Variants in VPS13B observed in about 807,000 individuals in gnomAD.
VPS13B encodes vacuolar protein sorting 13 homolog B, also known as intermembrane lipid transfer protein VPS13B.
A neutral mutation model predicts 426.4 loss-of-function variants in VPS13B; 285 were observed. The ratio of observed to expected loss-of-function variants is 0.67; its 90% CI spans 0.61 to 0.74. The LOEUF is 0.74. Among genes scored for constraint, VPS13B ranks in the 30% least tolerant of loss-of-function variants. VPS13B has a pLI of 0.00. For missense variants in VPS13B, 4,537 were observed against 4,782.6 expected (o/e 0.95, Z 1.51); for synonymous variants, 1,676 against 1,676.4 (o/e 1.00, Z 0.01).
At chr8:99,366,957 C>T (rs1281848621) in intron 19 of VPS13B, among the ~76,000 whole-genome samples, 3 of 152,134 alleles carry the variant, frequency 2.0e-5, no homozygotes, top group East Asian at 3.8e-4. Context: ...ATTGTACTGT[C>T]AATGTCTTGA....
chr8:99,391,074 C>A (rs564769951), intron 20 of VPS13B, among the ~76,000 whole-genome samples: 8 of 152,154 alleles, frequency 5.3e-5, no homozygotes, highest in African/African-American at 1.9e-4. Flanking sequence ...TTAACATGTA[C>A]ATAATCAGTT....
intron 19 of VPS13B, among the ~76,000 whole-genome samples, chr8:99,289,158 G>A (rs1036519715): frequency 3.3e-5 from 5 of 152,006 alleles, no homozygotes; most frequent in Admixed American, 1.3e-4. Context: ...TTAAACCTTC[G>A]ATAAAGTTGA....
At chr8:99,457,779 G>A (rs72674627) in intron 23 of VPS13B, among the ~76,000 whole-genome samples, 24,958 of 151,676 alleles carry the variant, frequency 0.16, 2,564 homozygotes, top group East Asian at 0.38. Context: ...ATTGTGATAT[G>A]TTTACATTTT....
At chr8:99,650,701 G>A (rs1303143496) in intron 34 of VPS13B, among the ~76,000 whole-genome samples, 2 of 152,164 alleles carry the variant, frequency 1.3e-5, no homozygotes, top group Non-Finnish European at 2.9e-5. Flanking sequence ...AAAGTTATGT[G>A]AATGTGGTCT....
chr8:99,582,147 C>T (rs77156188), intron 33 of VPS13B, among the ~76,000 whole-genome samples: 4,092 of 152,264 alleles, frequency 0.027, 79 homozygotes, highest in Middle Eastern at 0.065. Context: ...TCAGAAGGTT[C>T]TTTACCTTCT....
At chr8:99,366,396 T>C (rs1812890585) in intron 19 of VPS13B, among the ~76,000 whole-genome samples, 1 of 152,194 alleles carries the variant, frequency 6.6e-6, no homozygotes, top group South Asian at 2.1e-4. Flanking sequence ...GGATATAATA[T>C]AGCTACTCCC....
chr8:99,473,031 C>T (rs1003525147), intron 24 of VPS13B, among the ~76,000 whole-genome samples: 2 of 151,936 alleles, frequency 1.3e-5, no homozygotes, highest in Non-Finnish European at 2.9e-5. Context: ...AAAACTTTCC[C>T]ATGGAGAAAA....
At chr8:99,357,367 C>T (rs111405332) in intron 19 of VPS13B, among the ~76,000 whole-genome samples, 386 of 152,046 alleles carry the variant, frequency 2.5e-3, no homozygotes, top group African/African-American at 8.7e-3. Flanking sequence ...TTTCATTAAC[C>T]GTTGGTAACT....
intron 58 of VPS13B, among the ~76,000 whole-genome samples, chr8:99,864,548 T>TCC (rs1267601943): frequency 5.6e-4 from 85 of 152,250 alleles, no homozygotes; most frequent in African/African-American, 1.8e-3. Flanking sequence ...AGTGAGACCT[T>TCC]GTCTCAAAAT....
chr8:99,513,753 C>A (rs1821914214), intron 29 of VPS13B, among the ~76,000 whole-genome samples: 1 of 152,046 alleles, frequency 6.6e-6, no homozygotes, highest in African/African-American at 2.4e-5. Flanking sequence ...TGATTCATTG[C>A]CTATTTATTA....
intron 34 of VPS13B, among the ~76,000 whole-genome samples, chr8:99,647,606 A>C (rs1339927627): frequency 6.6e-6 from 1 of 151,910 alleles, no homozygotes; most frequent in African/African-American, 2.4e-5. Flanking sequence ...AATAATTTTC[A>C]GAAAAGGTAA....
At chr8:99,518,042 T>G (rs183020203) in intron 29 of VPS13B, among the ~76,000 whole-genome samples, 1 of 152,238 alleles carries the variant, frequency 6.6e-6, no homozygotes, top group Admixed American at 6.5e-5. Context: ...TAATTATAAC[T>G]TCATAGTCAG....
chr8:99,302,947 G>A (rs1036772835), intron 19 of VPS13B, among the ~76,000 whole-genome samples: 2 of 152,082 alleles, frequency 1.3e-5, no homozygotes, highest in Non-Finnish European at 2.9e-5. Flanking sequence ...GGGACCATCT[G>A]TGTAATATGA....
At chr8:99,744,346 A>G (rs1809949616) in intron 39 of VPS13B, among the ~76,000 whole-genome samples, 1 of 152,218 alleles carries the variant, frequency 6.6e-6, no homozygotes, top group African/African-American at 2.4e-5. Context: ...ATGTGGAGAA[A>G]TAGGAACACT....
intron 35 of VPS13B, among the ~76,000 whole-genome samples, chr8:99,671,953 G>T (rs1830734548): frequency 6.6e-6 from 1 of 151,978 alleles, no homozygotes; most frequent in South Asian, 2.1e-4. Flanking sequence ...TTTCTTTCTG[G>T]GTTCTCTATT....
chr8:99,090,044 T>A (rs1395984106), intron 3 of VPS13B, among the ~76,000 whole-genome samples: 1 of 152,124 alleles, frequency 6.6e-6, no homozygotes, highest in African/African-American at 2.4e-5. Context: ...GAGGCATGTC[T>A]GACCTCCCAC....
At chr8:99,428,476 T>C (rs1816867457) in intron 21 of VPS13B, among the ~76,000 whole-genome samples, 1 of 152,196 alleles carries the variant, frequency 6.6e-6, no homozygotes, top group Non-Finnish European at 1.5e-5. Context: ...GGGCGAAGGA[T>C]ATGAGCAGAC....
At chr8:99,110,260 A>T (rs926850192) in intron 5 of VPS13B, among the ~76,000 whole-genome samples, 2 of 152,148 alleles carry the variant, frequency 1.3e-5, no homozygotes, top group Non-Finnish European at 2.9e-5. Context: ...TTAAATTCCC[A>T]TGGCTAACTT....
chr8:99,431,148 T>G (rs1428538657), intron 21 of VPS13B, among the ~76,000 whole-genome samples: 1 of 152,236 alleles, frequency 6.6e-6, no homozygotes, highest in Non-Finnish European at 1.5e-5. Context: ...TCTCTTTTTC[T>G]TCCAAGAAAA....
Sources: gnomAD v4.1 joint callset for allele counts (sites outside exome capture counted in the v4.1 genomes callset) on GRCh38, gnomAD v4.1.1 for gene constraint, MANE v1.5 for transcripts, NCBI Gene and HGNC (gene_info 2026-07-23, HGNC 2026-07-21) for gene names.